OSBPL9: variants seen among roughly 807,000 people sequenced by gnomAD.
The protein encoded by OSBPL9 is oxysterol-binding protein-related protein 9.
A neutral mutation model predicts 106.6 loss-of-function variants in OSBPL9; 40 were observed. The observed-to-expected ratio is 0.38, with a 90% CI of 0.29 to 0.49. OSBPL9 has a LOEUF of 0.49. Ranked by LOEUF, OSBPL9 falls within the 20% of genes least tolerant of loss-of-function variation. The pLI, the probability that OSBPL9 is intolerant of heterozygous loss-of-function variation, is 0.97. For missense variants in OSBPL9, 609 were observed against 887.2 expected (o/e 0.69, Z 3.98); for synonymous variants, 269 against 295.4 (o/e 0.91, Z 0.92).
chr1:51,589,926 G>A (rs1226765242), intron 1 of OSBPL9, among the ~76,000 whole-genome samples: 3 of 151,756 alleles, frequency 2.0e-5, no homozygotes, highest in Non-Finnish European at 2.9e-5. Context: ...CCACCTACTT[G>A]GGAGGCTGAG....
the OSBPL9 span, among the ~76,000 whole-genome samples, chr1:51,540,680 C>T: frequency 6.9e-6 from 1 of 145,798 alleles, no homozygotes; most frequent in Non-Finnish European, 1.5e-5. Flanking sequence ...TTTTTGTTGG[C>T]CAGGTGTGGT....
intron 14 of OSBPL9, among the ~76,000 whole-genome samples, chr1:51,776,099 A>C (rs1181370236): frequency 1.3e-5 from 2 of 152,048 alleles, no homozygotes; most frequent in Non-Finnish European, 2.9e-5. Flanking sequence ...TTCATTGGTT[A>C]ATCATCTTTC....
intron 12 of OSBPL9, among the ~76,000 whole-genome samples, chr1:51,769,423 T>TC (rs1673342222): frequency 6.6e-6 from 1 of 152,174 alleles, no homozygotes; most frequent in African/African-American, 2.4e-5. Context: ...TTGAAATGGC[T>TC]CCACTACTCA....
rs568975165 is a variant in OSBPL9, at chr1:51,780,961, A to T, written c.1257-203A>T. Among the ~76,000 whole-genome samples, 68 of 148,732 alleles carry T rather than the reference A, an allele frequency of 4.6e-4. 1 individual carries two copies. The highest frequency in any genetic ancestry group is 7.0e-3 in the Middle Eastern group (2 of 286). ...TGTTCCCCAAAAACCTGTTGAAATT[A>T]AAAAAAAAAGAAAAAACCACTAAGA... is the stretch of plus-strand genomic sequence containing the variant. On this transcript the variant is annotated intron_variant, in intron 15 of 23. Coordinates refer to ENST00000428468, the MANE Select transcript of OSBPL9 (RefSeq NM_024586.6).
At chr1:51,566,851 G>A in the OSBPL9 span, among the ~76,000 whole-genome samples, 1 of 152,306 alleles carries the variant, frequency 6.6e-6, no homozygotes, top group Middle Eastern at 3.4e-3. Flanking sequence ...TGATTTGTCT[G>A]TTGTGTCTGC....
chr1:51,725,274 T>A (rs1470634561), intron 4 of OSBPL9, among the ~76,000 whole-genome samples: 1 of 152,166 alleles, frequency 6.6e-6, no homozygotes, highest in African/African-American at 2.4e-5. Flanking sequence ...GTAGCATTTC[T>A]TTTTTATTCT....
At chr1:51,630,642 C>T (rs1468353943) in intron 1 of OSBPL9, among the ~76,000 whole-genome samples, 1 of 152,168 alleles carries the variant, frequency 6.6e-6, no homozygotes, top group Non-Finnish European at 1.5e-5. Context: ...CATTACCATA[C>T]ACTACCATAG....
chr1:51,777,019 A>G (rs554010323), intron 15 of OSBPL9, 101 bp downstream of exon 15: 3 of 925,196 alleles, frequency 3.2e-6, no homozygotes, highest in South Asian at 1.4e-5. Context: ...TCACCTTTCA[A>G]ACATTTCTGG....
the OSBPL9 span, chr1:51,560,905 G>A: frequency 3.3e-5 from 5 of 152,168 alleles, no homozygotes; most frequent in African/African-American, 9.7e-5. Flanking sequence ...GATCACGTAG[G>A]ACCAGCAGAA....
At chr1:51,526,106 G>A in the OSBPL9 span, among the ~76,000 whole-genome samples, 3 of 152,070 alleles carry the variant, frequency 2.0e-5, no homozygotes, top group African/African-American at 7.2e-5. Flanking sequence ...TAAACTCTTG[G>A]GCTTAAGCAA....
chr1:51,683,504 A>C (rs1370851806), intron 3 of OSBPL9, among the ~76,000 whole-genome samples: 2 of 151,616 alleles, frequency 1.3e-5, no homozygotes, highest in East Asian at 2.0e-4. Context: ...AAAAAGAAGG[A>C]AATCTTCGCT....
intron 7 of OSBPL9, 111 bp from the exon 8 acceptor site, chr1:51,750,034 A>G (rs1668913590): frequency 1.6e-6 from 1 of 614,312 alleles, no homozygotes; most frequent in Non-Finnish European, 2.7e-6. Context: ...TTTCTTGTGT[A>G]GTATAGACTT....
chr1:51,545,697 T>C, the OSBPL9 span, among the ~76,000 whole-genome samples: 1 of 152,120 alleles, frequency 6.6e-6, no homozygotes, highest in South Asian at 2.1e-4. Flanking sequence ...ATCGCTTGAG[T>C]GCAGGAGTTT....
At chr1:51,550,890 T>G in the OSBPL9 span, among the ~76,000 whole-genome samples, 1 of 152,208 alleles carries the variant, frequency 6.6e-6, no homozygotes, top group Non-Finnish European at 1.5e-5. Flanking sequence ...ATACAGAAGT[T>G]TATTTACTGA....
intron 1 of OSBPL9, among the ~76,000 whole-genome samples, chr1:51,649,188 C>T (rs1482141772): frequency 6.6e-6 from 1 of 152,148 alleles, no homozygotes; most frequent in Non-Finnish European, 1.5e-5. Flanking sequence ...CTCACTGCAA[C>T]CTCCGCCTCC....
chr1:51,730,259 A>G, intron 4 of OSBPL9: 2 of 842,520 alleles, frequency 2.4e-6, no homozygotes, highest in Admixed American at 4.3e-5. Flanking sequence ...GAGACTTTGG[A>G]GGAGGTCTCT....
intron 14 of OSBPL9, among the ~76,000 whole-genome samples, chr1:51,773,670 A>G (rs1423261657): frequency 6.6e-6 from 1 of 152,224 alleles, no homozygotes; most frequent in Non-Finnish European, 1.5e-5. Flanking sequence ...TTAGGGCAAA[A>G]TCAATTCCAG....
chr1:51,760,582 CTATA>C (rs913248258), intron 9 of OSBPL9, 104 bp from the exon 10 acceptor site: 1 of 1,507,254 alleles, frequency 6.6e-7, no homozygotes, highest in Non-Finnish European at 9.0e-7. Flanking sequence ...ATCAACATAT[CTATA>C]TAGCTACCCT....
intron 1 of OSBPL9, among the ~76,000 whole-genome samples, chr1:51,580,760 A>G (rs1184089487): frequency 6.6e-6 from 1 of 150,694 alleles, no homozygotes; most frequent in Non-Finnish European, 1.5e-5. Flanking sequence ...TCATTTTTCA[A>G]CGTAAAATAA....
Sources: gnomAD v4.1 joint callset for allele counts (sites outside exome capture counted in the v4.1 genomes callset) on GRCh38, gnomAD v4.1.1 for gene constraint, MANE v1.5 for transcripts, NCBI Gene and HGNC (gene_info 2026-07-23, HGNC 2026-07-21) for gene names.